Variants in LARS1 observed in about 807,000 individuals in gnomAD.
The protein encoded by LARS1 is leucine--tRNA ligase, cytoplasmic.
Under a neutral mutation model 162.8 loss-of-function variants are expected in LARS1, and 100 were observed. The ratio of observed to expected loss-of-function variants is 0.61; its 90% CI spans 0.52 to 0.73. LARS1 has a LOEUF of 0.73. LARS1 is among the 30% of genes least tolerant of loss of function. The probability of loss-of-function intolerance (pLI) is 0.00; values close to 1 mark genes in which losing one functional copy is unlikely to be tolerated. For missense variants in LARS1, 1,258 were observed against 1,408.9 expected (o/e 0.89, Z 1.71); for synonymous variants, 457 against 462.8 (o/e 0.99, Z 0.16).
At chr5:146,156,131 T>G (rs1184956704) in intron 10 of LARS1, among the ~76,000 whole-genome samples, 1 of 152,228 alleles carries the variant, frequency 6.6e-6, no homozygotes. Flanking sequence ...TGTATTCGCT[T>G]GTGTATACAT....
rs375986175 is a variant in LARS1, at chr5:146,177,712, G to A, written c.7-47C>T. 5.9e-6 allele frequency: 6 copies of A among 1,011,930 alleles called. No homozygotes were observed. In the East Asian group the frequency reaches 8.3e-5, roughly 14 times the overall value. 62.7% of individuals were successfully genotyped at this position (1,011,930 alleles called of 1,614,324 possible). A position where few individuals can be genotyped will look rare whatever the true frequency, so the allele number is the denominator to read the frequency against. ...ATCCACTCTGTATTTCAGCACGCTT[G>A]CTTTAAAAAAGAATTGGGTTCACAG... is the stretch of plus-strand genomic sequence containing the variant. On this transcript the variant is annotated intron_variant, in intron 1 of 31. Transcript: ENST00000394434.
At chr5:146,153,403 A>G (rs1309277179) in intron 12 of LARS1, among the ~76,000 whole-genome samples, 176 bp from the exon 13 acceptor site, 2 of 152,226 alleles carry the variant, frequency 1.3e-5, no homozygotes, top group African/African-American at 2.4e-5. Flanking sequence ...TGTAACCTTC[A>G]AAAATTTAAT....
At chr5:146,115,796 T>G (rs1028512518) in intron 31 of LARS1, among the ~76,000 whole-genome samples, 2 of 152,182 alleles carry the variant, frequency 1.3e-5, no homozygotes, top group African/African-American at 4.8e-5. Flanking sequence ...AAGTGTAGCA[T>G]GGCTAGTTAT....
At chr5:146,147,353 A>G (rs557653871) in intron 15 of LARS1, among the ~76,000 whole-genome samples, 76 of 151,948 alleles carry the variant, frequency 5.0e-4, no homozygotes, top group African/African-American at 1.8e-3. Flanking sequence ...CGATCACTTG[A>G]GCCCAAAGCC....
chr5:146,161,742 A>T (rs1440814417), intron 6 of LARS1, among the ~76,000 whole-genome samples: 1 of 147,206 alleles, frequency 6.8e-6, no homozygotes, highest in East Asian at 2.0e-4. Context: ...AACAAGAGCA[A>T]AACTCCATCT....
rs757723614 is a variant in LARS1, at chr5:146,157,547, A to G, written c.921T>C (p.Val307=). Residue 307 remains valine, a synonymous_variant, in exon 10 of 32, where the codon GTT becomes GTC. Coordinates refer to ENST00000394434, the MANE Select transcript of LARS1 (RefSeq NM_020117.11). ...ETMFGQTNCW[V]RPDMKYIGFE... is the part of the protein sequence containing the mutation. ...ATCCAATGTACTTCATATCAGGACGAACCCAACAATTTGTCTGCCCAAACA... is the reference window on the plus strand; with the variant it reads ...ATCCAATGTACTTCATATCAGGACGGACCCAACAATTTGTCTGCCCAAACA... The G allele has an allele frequency of 1.9e-6, 3 of 1,614,204 alleles. No individual in the cohort carries two copies. The South Asian group carries it at 3.3e-5, about 18-fold the overall frequency.
chr5:146,171,179 A>C, intron 4 of LARS1, among the ~76,000 whole-genome samples: 1 of 152,080 alleles, frequency 6.6e-6, no homozygotes, highest in Non-Finnish European at 1.5e-5. Flanking sequence ...CAACACGGGG[A>C]AACCTCGTCT....
At chr5:146,182,456 G>A in intron 1 of LARS1, 32 bp downstream of exon 1, 1 of 1,613,786 alleles carries the variant, frequency 6.2e-7, no homozygotes, top group Non-Finnish European at 8.5e-7. Flanking sequence ...CCGGCTCCAG[G>A]GCCCCTGCGG....
chr5:146,144,588 T>C (rs371469894), intron 16 of LARS1, 36 bp downstream of exon 16: 8 of 1,612,798 alleles, frequency 5.0e-6, no homozygotes, highest in Non-Finnish European at 5.1e-6. Flanking sequence ...GGTGAGCAAA[T>C]TGACTAGGGG....
At position 146,131,015 on chromosome 5, in the gene LARS1, C is replaced by T; in HGVS notation, c.2487+4G>A. 1 of 1,526,632 alleles carries T rather than the reference C, an allele frequency of 6.6e-7. No homozygotes were observed. Among genetic ancestry groups the T allele is most frequent in the Non-Finnish European group, 9.0e-7 (1 of 1,113,300 alleles). 94.6% of individuals were successfully genotyped at this position (1,526,632 alleles called of 1,614,324 possible). ...TATAGCTACCAAAAGAATCAACAGC[C>T]TACCTGAAACTCAAAAAACCCTGTT... On this transcript the variant is annotated splice_donor_region_variant and intron_variant, in intron 24 of 31. Coordinates refer to ENST00000394434, the MANE Select transcript of LARS1 (RefSeq NM_020117.11).
chr5:146,139,345 CAAAAAAA>C (rs977056105), intron 21 of LARS1, among the ~76,000 whole-genome samples: 9 of 79,344 alleles, frequency 1.1e-4, no homozygotes, highest in South Asian at 4.5e-4. Flanking sequence ...TCCATCACAA[CAAAAAAA>C]AAAAAAAAGA....
At position 146,171,206 on chromosome 5, in the gene LARS1, A is replaced by G. The variant is rs559439490; in HGVS notation, c.294+704T>C. Among the ~76,000 whole-genome samples, 29 of 152,012 alleles carry G rather than the reference A, an allele frequency of 1.9e-4. No homozygotes were observed. In the Middle Eastern group the frequency reaches 0.01, roughly 53 times the overall value. ...ACCTCGTCTCTACTAAAAATACAAA[A>G]ATTAGCCAGGTGTGGTGGCGGGTGC... is the stretch of plus-strand genomic sequence containing the variant. On this transcript the variant is annotated intron_variant, in intron 4 of 31. Coordinates refer to ENST00000394434, the MANE Select transcript of LARS1 (RefSeq NM_020117.11).
intron 29 of LARS1, among the ~76,000 whole-genome samples, chr5:146,123,590 T>G (rs1042647652): frequency 3.3e-5 from 5 of 151,706 alleles, no homozygotes; most frequent in Non-Finnish European, 7.4e-5. Flanking sequence ...AAACCAAAGA[T>G]TATAATTAAT....
chr5:146,142,248 G>A (rs957838261), intron 20 of LARS1, among the ~76,000 whole-genome samples: 4 of 151,508 alleles, frequency 2.6e-5, no homozygotes, highest in South Asian at 2.1e-4. Context: ...AGTTCGTGCC[G>A]CTGCACTCCA....
In LARS1 at chr5:146,149,666, C is replaced by A. The variant is rs372787485; in HGVS notation, c.1459G>T (p.Val487Phe). The A allele has an allele frequency of 3.1e-6, 5 of 1,612,880 alleles. No individual in the cohort carries two copies. Among genetic ancestry groups the A allele is most frequent in the East Asian group, 2.2e-5 (1 of 44,828 alleles). Residue 487 changes from valine to phenylalanine, a missense_variant, in exon 15 of 32, where the codon GTT becomes TTT. Val to Phe is a conservative substitution (Grantham distance 50). Transcript: ENST00000394434. ...TGAATAGTCTTCTTTACATCTTGAA[C>A]CTTCTGTCCTTTAAATCCATCCACC... ...MLVDGFKGQKVQDVKKTIQKK... is the reference protein window; with the variant it reads ...MLVDGFKGQKFQDVKKTIQKK...
At position 146,168,228 on chromosome 5, in the gene LARS1, T is replaced by C; in HGVS notation, c.332A>G (p.Tyr111Cys). ...ADKLKREIEL[Y>C]GCPPDFPDEE... is the part of the protein sequence containing the mutation. ...ATCTGGAAAATCAGGGGGGCAACCA[T>C]ACAGCTCTATTTCTCTTTTCAACTT... Residue 111 changes from tyrosine (Y) to cysteine (C), a missense_variant, in exon 5 of 32, where the codon TAT becomes TGT. By Grantham distance (194) the Tyr-to-Cys change is radical. Transcript: ENST00000394434. 1.9e-6 allele frequency: 3 copies of C among 1,613,684 alleles called. No homozygotes were observed. The highest frequency in any genetic ancestry group is 2.5e-6 in the Non-Finnish European group (3 of 1,179,780).
chr5:146,132,870 C>G lies in LARS1; in HGVS notation c.2396+28G>C. The G allele has an allele frequency of 3.2e-6, 5 of 1,561,202 alleles. No individual in the cohort carries two copies. The South Asian group carries it at 5.9e-5, about 19-fold the overall frequency. On this transcript the variant is annotated intron_variant, in intron 23 of 31. Transcript: ENST00000394434. ...GCACCAGGACTAAGTAACTCTAAAA[C>G]ACAAAATGATTGGGATCTACAGATT...
chr5:146,151,399 A>C (rs768908275), intron 14 of LARS1, among the ~76,000 whole-genome samples: 16 of 152,228 alleles, frequency 1.1e-4, no homozygotes, highest in Non-Finnish European at 2.1e-4. Flanking sequence ...CCACATTAAC[A>C]TATGCACAAT....
chr5:146,119,660 A>C (rs1320531196), intron 31 of LARS1, among the ~76,000 whole-genome samples: 1 of 152,208 alleles, frequency 6.6e-6, no homozygotes, highest in Non-Finnish European at 1.5e-5. Context: ...TGACGAAAAG[A>C]AAAGCCATAA....
Sources: gnomAD v4.1 joint callset for allele counts (sites outside exome capture counted in the v4.1 genomes callset) on GRCh38, gnomAD v4.1.1 for gene constraint, MANE v1.5 for transcripts, NCBI Gene and HGNC (gene_info 2026-07-23, HGNC 2026-07-21) for gene names.